Variants in UNC13C observed in about 807,000 individuals in gnomAD.
UNC13C encodes unc-13 homolog C.
Under a neutral mutation model 245.4 loss-of-function variants are expected in UNC13C, and 174 were observed. The ratio of observed to expected loss-of-function variants is 0.71; its 90% CI spans 0.63 to 0.80. UNC13C has a LOEUF of 0.80. UNC13C is among the 30% of genes least tolerant of loss of function. The pLI is 0.00. For missense variants in UNC13C, 2,829 were observed against 2,602.9 expected, an observed-to-expected ratio of 1.09 and a Z score of -1.89; for synonymous variants, 992 against 895.1, an observed-to-expected ratio of 1.11 and a Z score of -1.93.
intron 30 of UNC13C, among the ~76,000 whole-genome samples, chr15:54,581,714 A>C (rs532254419): frequency 4.6e-5 from 7 of 152,368 alleles, no homozygotes; most frequent in Admixed American, 1.3e-4. Flanking sequence ...TCTATAGCAC[A>C]TGGAAACTTT....
At chr15:54,018,917 G>T (rs1895778085) in intron 2 of UNC13C, among the ~76,000 whole-genome samples, 1 of 151,900 alleles carries the variant, frequency 6.6e-6, no homozygotes. Flanking sequence ...AGAGAGGTGG[G>T]ATACTAAATA....
At chr15:54,303,232 T>C (rs376647061) in intron 13 of UNC13C, among the ~76,000 whole-genome samples, 2 of 152,172 alleles carry the variant, frequency 1.3e-5, no homozygotes, top group East Asian at 3.9e-4. Context: ...TTTTGACATC[T>C]GTTCCATCCC....
At chr15:54,355,212 G>C (rs1264792721) in intron 17 of UNC13C, among the ~76,000 whole-genome samples, 1 of 152,084 alleles carries the variant, frequency 6.6e-6, no homozygotes, top group Non-Finnish European at 1.5e-5. Context: ...ATTTTGTTAC[G>C]ATCAGCAGAA....
At chr15:54,329,205 G>A (rs1268576386) in intron 14 of UNC13C, among the ~76,000 whole-genome samples, 2 of 149,576 alleles carry the variant, frequency 1.3e-5, no homozygotes, top group African/African-American at 4.9e-5. Flanking sequence ...TTTGATACAT[G>A]CATACAATAT....
At chr15:54,221,002 G>A (rs76131209) in intron 4 of UNC13C, among the ~76,000 whole-genome samples, 1 of 152,074 alleles carries the variant, frequency 6.6e-6, no homozygotes, top group Admixed American at 6.6e-5. Flanking sequence ...TTTGGAAAAC[G>A]TCCCACACGT....
intron 2 of UNC13C, among the ~76,000 whole-genome samples, chr15:54,094,861 C>G (rs1215789847): frequency 6.6e-6 from 1 of 152,192 alleles, no homozygotes; most frequent in Non-Finnish European, 1.5e-5. Context: ...CACAGGGGGT[C>G]TCTCACACCT....
At chr15:54,556,614 T>C (rs968966821) in intron 29 of UNC13C, among the ~76,000 whole-genome samples, 7 of 151,784 alleles carry the variant, frequency 4.6e-5, no homozygotes, top group Non-Finnish European at 2.9e-5. Flanking sequence ...TAGGAAAAAA[T>C]GAACAACATG....
chr15:54,460,143 C>T (rs965734822), intron 19 of UNC13C, among the ~76,000 whole-genome samples: 22 of 152,138 alleles, frequency 1.4e-4, no homozygotes, highest in African/African-American at 5.3e-4. Flanking sequence ...AAGCCAGACT[C>T]GAGTGATTGT....
At chr15:54,391,317 C>A (rs1231832609) in intron 17 of UNC13C, among the ~76,000 whole-genome samples, 1 of 152,042 alleles carries the variant, frequency 6.6e-6, no homozygotes, top group Non-Finnish European at 1.5e-5. Context: ...TCACAACTCA[C>A]CAGGTTATCT....
At chr15:54,192,777 A>C (rs2034228759) in intron 4 of UNC13C, among the ~76,000 whole-genome samples, 1 of 152,082 alleles carries the variant, frequency 6.6e-6, no homozygotes, top group African/African-American at 2.4e-5. Flanking sequence ...TTCAGTCTTC[A>C]ATGTATTTGC....
the UNC13C span, among the ~76,000 whole-genome samples, chr15:53,941,502 A>C: frequency 0.017 from 2,542 of 152,324 alleles, 110 homozygotes; most frequent in East Asian, 0.14. Flanking sequence ...CAGAGTGAAC[A>C]GACCACCTAC....
chr15:54,593,645 A>G lies in UNC13C; in HGVS notation c.6106+25698A>G, dbSNP rs138504653. On this transcript the variant is annotated intron_variant, in intron 30 of 32. Coordinates refer to ENST00000260323, the MANE Select transcript of UNC13C (RefSeq NM_001080534.3). ...TTGCTGAGACTTTTCAGGGCATTTC[A>G]TGCTTCTAAAAGTGTGTCTAAAGTT... Among the ~76,000 whole-genome samples the G allele has an allele frequency of 3.3e-3, 496 of 152,098 alleles. 6 individuals carry two copies. Among genetic ancestry groups the G allele is most frequent in the African/African-American group, 0.011 (464 of 41,500 alleles).
intron 19 of UNC13C, among the ~76,000 whole-genome samples, chr15:54,446,815 T>C (rs1291418715): frequency 1.3e-5 from 2 of 152,192 alleles, no homozygotes; most frequent in Admixed American, 6.5e-5. Flanking sequence ...TGGCCAGAAC[T>C]TCCAACACTA....
chr15:53,865,895 T>C, the UNC13C span, among the ~76,000 whole-genome samples: 2 of 152,114 alleles, frequency 1.3e-5, no homozygotes, highest in African/African-American at 4.8e-5. Flanking sequence ...ATTGATTACA[T>C]ATCAAGCCAA....
chr15:54,049,996 G>C lies in UNC13C; in HGVS notation c.2983+34110G>C, dbSNP rs866177752. 5 of 226,304 alleles carry C rather than the reference G, an allele frequency of 2.2e-5. 1 individual carries two copies. In the South Asian group the frequency reaches 2.9e-4, roughly 13 times the overall value. 14.0% of individuals were successfully genotyped at this position (226,304 alleles called of 1,614,324 possible). ...AAGAGGTTTCTTTTTGTGAGACAGA[G>C]TCTCACTCTGTCTCCCAGGCAAGAG... is the stretch of plus-strand genomic sequence containing the variant. On this transcript the variant is annotated intron_variant, in intron 2 of 32. Transcript: ENST00000260323.
chr15:54,346,210 G>A (rs11633674), intron 17 of UNC13C, among the ~76,000 whole-genome samples: 9,803 of 152,048 alleles, frequency 0.064, 393 homozygotes, highest in Admixed American at 0.11. Flanking sequence ...GTTGATAAAC[G>A]AAGTAATTAT....
chr15:54,619,982 T>C (rs921572802), intron 30 of UNC13C, among the ~76,000 whole-genome samples: 5 of 152,168 alleles, frequency 3.3e-5, no homozygotes, highest in African/African-American at 1.2e-4. Flanking sequence ...TGATAATCAA[T>C]ACTTTCTAGC....
intron 22 of UNC13C, among the ~76,000 whole-genome samples, chr15:54,502,963 A>G (rs956739104): frequency 6.6e-6 from 1 of 152,122 alleles, no homozygotes; most frequent in African/African-American, 2.4e-5. Context: ...CATAGCCACA[A>G]TATGCCTGCT....
intron 19 of UNC13C, among the ~76,000 whole-genome samples, chr15:54,455,976 T>A (rs1014575618): frequency 6.6e-6 from 1 of 152,222 alleles, no homozygotes; most frequent in African/African-American, 2.4e-5. Flanking sequence ...TCTGATGTTA[T>A]CTTCTAGAAT....
Sources: gnomAD v4.1 joint callset for allele counts (sites outside exome capture counted in the v4.1 genomes callset) on GRCh38, gnomAD v4.1.1 for gene constraint, MANE v1.5 for transcripts, NCBI Gene and HGNC (gene_info 2026-07-23, HGNC 2026-07-21) for gene names.